The following RECQL5 variants were observed in gnomAD, a reference collection of about 807,000 sequenced individuals.
RECQL5 encodes the protein ATP-dependent DNA helicase Q5.
A neutral mutation model predicts 103.4 loss-of-function variants in RECQL5; 88 were observed. The observed-to-expected ratio is 0.85, with a 90% CI of 0.72 to 1.02. The LOEUF is 1.02. Among genes scored for constraint, RECQL5 ranks in the 50% least tolerant of loss-of-function variants. The pLI, the probability that RECQL5 is intolerant of heterozygous loss-of-function variation, is 0.00. For missense variants in RECQL5, 1,232 were observed against 1,284.3 expected, an observed-to-expected ratio of 0.96 and a Z score of 0.62; for synonymous variants, 552 against 507.9, an observed-to-expected ratio of 1.09 and a Z score of -1.17.
chr17:75,665,271 G>A, intron 2 of RECQL5, 99 bp from the exon 3 acceptor site: 3 of 1,110,140 alleles, frequency 2.7e-6, no homozygotes, highest in Non-Finnish European at 3.9e-6. Context: ...CTAGCAGAGT[G>A]TCTGGCACAT....
chr17:75,658,624 C>T (rs1440673923), intron 6 of RECQL5, among the ~76,000 whole-genome samples, 164 bp from the exon 7 acceptor site: 1 of 152,134 alleles, frequency 6.6e-6, no homozygotes, highest in East Asian at 1.9e-4. Context: ...CAGCACGTCT[C>T]CCTTCTAGAA....
chr17:75,631,342 C>T, intron 9 of RECQL5, 93 bp from the exon 10 acceptor site: 1 of 1,533,824 alleles, frequency 6.5e-7, no homozygotes, highest in Non-Finnish European at 9.0e-7. Context: ...GATGTCCTAC[C>T]AGCTCAAGGG....
chr17:75,645,053 G>C (rs1181978806), intron 8 of RECQL5, among the ~76,000 whole-genome samples: 2 of 152,084 alleles, frequency 1.3e-5, no homozygotes, highest in Non-Finnish European at 2.9e-5. Context: ...TTCTAGTTTT[G>C]GTTGAGTGTG....
intron 7 of RECQL5, 131 bp from the exon 8 acceptor site, chr17:75,651,396 A>G: frequency 9.7e-7 from 1 of 1,026,702 alleles, no homozygotes; most frequent in Non-Finnish European, 1.5e-6. Flanking sequence ...CTGAGCCAGG[A>G]GGATCATTTG....
intron 6 of RECQL5, among the ~76,000 whole-genome samples, chr17:75,659,164 C>T (rs1372132701): frequency 1.3e-5 from 2 of 152,056 alleles, no homozygotes; most frequent in Non-Finnish European, 2.9e-5. Flanking sequence ...CGGGTTCAAG[C>T]GATTCTCCTG....
In RECQL5 at chr17:75,630,659, C is replaced by T. The variant is rs2059190611; in HGVS notation, c.1678G>A (p.Ala560Thr). 6.2e-7 allele frequency: 1 copy of T among 1,613,436 alleles called. No homozygotes were observed. Among genetic ancestry groups the T allele is most frequent in the Non-Finnish European group, 8.5e-7 (1 of 1,179,942 alleles). ...REHCLRLLEE[A>T]LSSNRQSTRT... ...GTTGACTGGCGGTTGCTGCTCAGCG[C>T]CTCCTCCAGAAGCCGCAGGCAGTGC... The change falls in exon 13 of 20, where the codon GCG (alanine) becomes ACG (threonine). Residue 560 changes from alanine to threonine, a missense_variant. Ala to Thr is a moderately conservative substitution (Grantham distance 58). Transcript: ENST00000317905.
chr17:75,650,983 T>G, intron 8 of RECQL5: 1 of 1,497,636 alleles, frequency 6.7e-7, no homozygotes, highest in Non-Finnish European at 8.8e-7. Flanking sequence ...ACTGAGCAAA[T>G]CCCCACACTG....
intron 7 of RECQL5, among the ~76,000 whole-genome samples, chr17:75,653,753 C>A (rs1399335234): frequency 6.6e-6 from 1 of 152,018 alleles, no homozygotes; most frequent in East Asian, 1.9e-4. Context: ...CAAAAATTAG[C>A]CAGGCGTGGT....
At chr17:75,658,658 C>T (rs1358246547) in intron 6 of RECQL5, among the ~76,000 whole-genome samples, 198 bp from the exon 7 acceptor site, 2 of 152,098 alleles carry the variant, frequency 1.3e-5, no homozygotes, top group African/African-American at 4.8e-5. Flanking sequence ...GAGGCCACAG[C>T]AGGAGTTAAG....
chr17:75,653,356 C>A (rs2059578341), intron 7 of RECQL5, among the ~76,000 whole-genome samples: 1 of 152,184 alleles, frequency 6.6e-6, no homozygotes, highest in Non-Finnish European at 1.5e-5. Flanking sequence ...AGATGGCAGC[C>A]AACTTCCTTC....
chr17:75,661,106 C>T lies in RECQL5; in HGVS notation c.875-40G>A. ...AAGATGGAGAAGGGAACTCACATTT[C>T]CCTTGGGTTTACCGGGGGCCTATTT... On this transcript the variant is annotated intron_variant, in intron 5 of 19. Coordinates refer to ENST00000317905, the MANE Select transcript of RECQL5 (RefSeq NM_004259.7). 9 of 1,539,520 alleles carry T rather than the reference C, an allele frequency of 5.8e-6. 1 individual carries two copies. Among genetic ancestry groups the T allele is most frequent in the South Asian group, 4.5e-5 (4 of 89,654 alleles).
At chr17:75,660,271 C>T (rs1244101330) in intron 6 of RECQL5, among the ~76,000 whole-genome samples, 1 of 152,078 alleles carries the variant, frequency 6.6e-6, no homozygotes, top group Non-Finnish European at 1.5e-5. Flanking sequence ...GGTTTGGCCA[C>T]GTTGCCCAAG....
chr17:75,642,777 C>T (rs1313848776), intron 8 of RECQL5, among the ~76,000 whole-genome samples: 1 of 152,154 alleles, frequency 6.6e-6, no homozygotes, highest in Non-Finnish European at 1.5e-5. Context: ...CCACTATTAC[C>T]CCCATTTTAG....
At chr17:75,643,718 G>T (rs994833624) in intron 8 of RECQL5, among the ~76,000 whole-genome samples, 4 of 152,242 alleles carry the variant, frequency 2.6e-5, no homozygotes, top group African/African-American at 9.6e-5. Context: ...GGGGGCCATG[G>T]AAGGGGCAGC....
intron 8 of RECQL5, chr17:75,633,831 C>CA: frequency 1.0e-6 from 1 of 1,001,396 alleles, no homozygotes; most frequent in Non-Finnish European, 1.2e-6. Context: ...CTTCAGCTCC[C>CA]AACCCAGGCC....
At chr17:75,658,545 G>T in intron 6 of RECQL5, 85 bp from the exon 7 acceptor site, 1 of 1,328,508 alleles carries the variant, frequency 7.5e-7, no homozygotes. Context: ...AGGAGAGCAG[G>T]GAGGCCAGCA....
intron 8 of RECQL5, chr17:75,638,912 C>T (rs2059378751): frequency 6.6e-6 from 1 of 152,288 alleles, no homozygotes; most frequent in Admixed American, 6.5e-5. Context: ...GGCTACGAGG[C>T]AGAAGAGGGG....
At chr17:75,650,751 C>T (rs1292914961) in intron 8 of RECQL5, 2 of 1,603,890 alleles carry the variant, frequency 1.2e-6, no homozygotes, top group African/African-American at 2.7e-5. Flanking sequence ...TGCGTGAGTT[C>T]AAAGCACATG....
Position 75,636,199 on chromosome 17 carries a change from T to G in RECQL5, c.1230-4531A>C, listed in dbSNP as rs1599003987. Among the ~76,000 whole-genome samples, 1 of 152,090 alleles carries G rather than the reference T, an allele frequency of 6.6e-6. No individual in the cohort carries two copies. The highest frequency in any genetic ancestry group is 2.4e-5 in the African/African-American group (1 of 41,426). ...GCTCTGGCAGCCACTCAGGAACCCC[T>G]GAGGACCCTGAGAAGCCTCCAACCA... On this transcript the variant is annotated intron_variant, in intron 8 of 19. Coordinates refer to ENST00000317905, the MANE Select transcript of RECQL5 (RefSeq NM_004259.7). This position sits in a 1 kb window ranked among gnomAD's most constrained non-coding sequence, Gnocchi z 5.4.
Sources: allele counts gnomAD v4.1 joint callset (sites outside exome capture counted in the v4.1 genomes callset), GRCh38; gene constraint gnomAD v4.1.1; non-coding constraint Gnocchi (gnomAD v3.1); transcripts MANE v1.5; gene names NCBI Gene and HGNC (gene_info 2026-07-23, HGNC 2026-07-21).